MPV17: variants seen among roughly 807,000 people sequenced by gnomAD.
The protein encoded by MPV17 is mitochondrial inner membrane protein MPV17.
In MPV17, 31 loss-of-function variants were observed where a neutral mutation model predicts 28.6. The observed-to-expected ratio is 1.08, with a 90% CI of 0.81 to 1.46. The LOEUF is 1.46. Ranked by LOEUF, MPV17 falls within the 40% of genes most tolerant of loss-of-function variation. MPV17 has a pLI of 0.00. For missense variants in MPV17, 198 were observed against 216.2 expected (o/e 0.92, Z 0.53); for synonymous variants, 87 against 85.3 (o/e 1.02, Z -0.11).
chr2:27,314,029 A>G (rs897872605), intron 2 of MPV17, among the ~76,000 whole-genome samples: 3 of 152,180 alleles, frequency 2.0e-5, no homozygotes, highest in Non-Finnish European at 2.9e-5. Context: ...ATCTTTTTCT[A>G]AAACAAGAGT....
At chr2:27,315,567 C>T (rs941903331) in intron 2 of MPV17, 1 of 153,588 alleles carries the variant, frequency 6.5e-6, no homozygotes, top group African/African-American at 2.4e-5. Context: ...CATTCATTCA[C>T]TCATTTATTT....
intron 2 of MPV17, among the ~76,000 whole-genome samples, chr2:27,314,253 C>A (rs1326139913): frequency 2.6e-5 from 4 of 152,058 alleles, no homozygotes; most frequent in Non-Finnish European, 5.9e-5. Context: ...CTGTTTGAGC[C>A]CAGGAGGTCC....
Position 27,317,704 on chromosome 2 carries a change from C to T in MPV17, c.71-4595G>A, listed in dbSNP as rs185983433. 3.1e-3 allele frequency among the ~76,000 whole-genome samples: 474 copies of T among 152,342 alleles called. 3 individuals are homozygous for T. Among genetic ancestry groups the T allele is most frequent in the Admixed American group, 5.2e-3 (80 of 15,300 alleles). ...TGTAAGAGCTCAGCTGCTCCCACAGCAGGACCGAGTAGACTAAGATGGATG... is the reference window on the plus strand; with the variant it reads ...TGTAAGAGCTCAGCTGCTCCCACAGTAGGACCGAGTAGACTAAGATGGATG... On this transcript the variant is annotated intron_variant, in intron 2 of 7. Coordinates refer to ENST00000380044, the MANE Select transcript of MPV17 (RefSeq NM_002437.5). This position sits in a 1 kb window ranked among gnomAD's most constrained non-coding sequence, Gnocchi z 4.0.
At chr2:27,311,802 G>T (rs959119347) in intron 7 of MPV17, 97 bp downstream of exon 7, 3 of 1,573,406 alleles carry the variant, frequency 1.9e-6, no homozygotes, top group Admixed American at 3.8e-5. Context: ...TCCGTTTGGG[G>T]GTCTAAGGTA....
intron 2 of MPV17, among the ~76,000 whole-genome samples, chr2:27,319,240 G>A (rs555083566): frequency 1.2e-4 from 18 of 151,842 alleles, no homozygotes; most frequent in African/African-American, 1.9e-4. Flanking sequence ...TCTGCTTTCC[G>A]GAACCCAAGG....
intron 2 of MPV17, among the ~76,000 whole-genome samples, chr2:27,314,598 G>A (rs919882112): frequency 1.3e-5 from 2 of 152,094 alleles, no homozygotes; most frequent in South Asian, 2.1e-4. Context: ...ACCCAGAAAC[G>A]ATGAAAGAAA....
At chr2:27,312,860 T>G in intron 3 of MPV17, 88 bp from the exon 4 acceptor site, 2 of 1,534,484 alleles carry the variant, frequency 1.3e-6, no homozygotes, top group East Asian at 2.2e-5. Context: ...AGTATCAGAA[T>G]AGGGGAAGTG....
chr2:27,315,523 G>C (rs1374597192), intron 2 of MPV17, among the ~76,000 whole-genome samples: 1 of 152,190 alleles, frequency 6.6e-6, no homozygotes, highest in East Asian at 1.9e-4. Flanking sequence ...CAAAAGATCT[G>C]GGAGGTAGGT....
chr2:27,319,584 C>T (rs1679779155), intron 2 of MPV17, among the ~76,000 whole-genome samples: 1 of 150,080 alleles, frequency 6.7e-6, no homozygotes, highest in South Asian at 2.2e-4. Flanking sequence ...TGCCAACACT[C>T]ATAGAAAGAA....
intron 2 of MPV17, among the ~76,000 whole-genome samples, chr2:27,320,877 A>G (rs1438583720): frequency 6.6e-6 from 1 of 152,206 alleles, no homozygotes; most frequent in Non-Finnish European, 1.5e-5. Flanking sequence ...AGTTTGATCC[A>G]AATACAGTGA....
intron 2 of MPV17, chr2:27,316,059 G>A (rs1402071874): frequency 3.9e-6 from 6 of 1,550,200 alleles, no homozygotes; most frequent in East Asian, 2.4e-5. Flanking sequence ...CTGCCCAAGT[G>A]AGGCCCCAAA....
At chr2:27,315,927 T>G (rs916743498) in intron 2 of MPV17, 1 of 1,445,614 alleles carries the variant, frequency 6.9e-7, no homozygotes, top group Middle Eastern at 2.6e-4. Flanking sequence ...CAGTTGGAAC[T>G]GAACCCAGGC....
Position 27,316,199 on chromosome 2 carries a change from CAG to C in MPV17, c.71-3092_71-3091del, listed in dbSNP as rs1341212221. On this transcript the variant is annotated intron_variant, in intron 2 of 7. Coordinates refer to ENST00000380044, the MANE Select transcript of MPV17 (RefSeq NM_002437.5). ...GACAGCAATATTCCTGGGAAAGAAACAGAGAAGTGTGTGTTTTCACTCTTCAT... is the reference window on the plus strand; with the variant it reads ...GACAGCAATATTCCTGGGAAAGAAACAGAAGTGTGTGTTTTCACTCTTCAT... 3.2e-6 allele frequency: 5 copies of C among 1,551,034 alleles called. No individual in the cohort carries two copies. The Admixed American group carries it at 9.8e-5, about 30-fold the overall frequency.
chr2:27,317,116 G>C lies in MPV17; in HGVS notation c.71-4007C>G. 4 of 1,549,890 alleles carry C rather than the reference G, an allele frequency of 2.6e-6. No individual in the cohort carries two copies. The highest frequency in any genetic ancestry group is 3.5e-6 in the Non-Finnish European group (4 of 1,146,842). ...GAGTTTCATGCGCAGAAGGCAGAGG[G>C]GCAAGAAGTGGCTTCTTGGAGTGAG... On this transcript the variant is annotated intron_variant, in intron 2 of 7. Transcript: ENST00000380044. This position sits in a 1 kb window ranked among gnomAD's most constrained non-coding sequence, Gnocchi z 4.0.
intron 2 of MPV17, among the ~76,000 whole-genome samples, chr2:27,320,188 G>A (rs1420112777): frequency 1.3e-5 from 2 of 150,700 alleles, no homozygotes; most frequent in Non-Finnish European, 2.9e-5. Flanking sequence ...AGTGAGTCGA[G>A]ATCACGCCAC....
Position 27,312,775 on chromosome 2 carries a change from G to C in MPV17, c.187-3C>G. ...TACCAGCCTCCTACCACAGGGCCCT[G>C]GAAGTAAACCCCAGATAGCAGCAGG... On this transcript the variant is annotated splice_polypyrimidine_tract_variant and splice_region_variant and intron_variant, in intron 3 of 7. Coordinates refer to ENST00000380044, the MANE Select transcript of MPV17 (RefSeq NM_002437.5). The C allele has an allele frequency of 3.1e-6, 5 of 1,613,918 alleles. No individual in the cohort carries two copies. The highest frequency in any genetic ancestry group is 4.2e-6 in the Non-Finnish European group (5 of 1,179,998).
chr2:27,320,028 G>A (rs1679799911), intron 2 of MPV17, among the ~76,000 whole-genome samples: 1 of 149,684 alleles, frequency 6.7e-6, no homozygotes, highest in South Asian at 2.1e-4. Context: ...ACGAGGTCAA[G>A]TGTCCGAGAC....
chr2:27,311,476 C>G, intron 7 of MPV17: 2 of 962,954 alleles, frequency 2.1e-6, no homozygotes, highest in Non-Finnish European at 3.1e-6. Flanking sequence ...TTGAACCACA[C>G]ATCTTCAGTG....
At chr2:27,312,387 G>T in intron 5 of MPV17, 107 bp downstream of exon 5, 1 of 1,433,366 alleles carries the variant, frequency 7.0e-7, no homozygotes, top group Non-Finnish European at 9.8e-7. Context: ...CCATGGCCTG[G>T]GGCCCTACCT....
Sources: gnomAD v4.1 joint callset for allele counts (sites outside exome capture counted in the v4.1 genomes callset) on GRCh38, gnomAD v4.1.1 for gene constraint, Gnocchi (gnomAD v3.1) non-coding constraint, MANE v1.5 for transcripts, NCBI Gene and HGNC (gene_info 2026-07-23, HGNC 2026-07-21) for gene names.